SNTG2: variants seen among roughly 807,000 people sequenced by gnomAD.
SNTG2 encodes the protein gamma-2-syntrophin.
Under a neutral mutation model 70.9 loss-of-function variants are expected in SNTG2, and 74 were observed. The observed-to-expected ratio is 1.04, with a 90% CI of 0.86 to 1.27. The LOEUF (loss-of-function observed/expected upper bound fraction) is 1.27. Among genes scored for constraint, SNTG2 ranks in the 50% most tolerant of loss-of-function variants. The probability of loss-of-function intolerance (pLI) is 0.00; values close to 1 mark genes in which losing one functional copy is unlikely to be tolerated. For synonymous variants in SNTG2, 278 were observed against 273.8 expected, an observed-to-expected ratio of 1.02 and a Z score of -0.15; for missense variants, 717 against 690.7, an observed-to-expected ratio of 1.04 and a Z score of -0.43.
intron 16 of SNTG2, among the ~76,000 whole-genome samples, chr2:1,334,987 A>G (rs1287727140): frequency 6.6e-6 from 1 of 152,234 alleles, no homozygotes; most frequent in African/African-American, 2.4e-5. Context: ...AGTACTCAAA[A>G]GACTACAGAA....
chr2:1,338,659 A>G (rs988727555), intron 16 of SNTG2, among the ~76,000 whole-genome samples: 4 of 152,136 alleles, frequency 2.6e-5, no homozygotes, highest in African/African-American at 9.7e-5. Context: ...TTTTGCTTAG[A>G]GCTTAATGTC....
intron 8 of SNTG2, among the ~76,000 whole-genome samples, chr2:1,178,742 A>T (rs1219148064): frequency 3.3e-5 from 5 of 151,822 alleles, no homozygotes; most frequent in Admixed American, 6.6e-5. Flanking sequence ...AATGTTCATC[A>T]AGGATATTGG....
chr2:1,115,694 C>T (rs1362202371), intron 4 of SNTG2, among the ~76,000 whole-genome samples: 2 of 117,246 alleles, frequency 1.7e-5, no homozygotes, highest in African/African-American at 2.8e-5. Flanking sequence ...CATTTACAGT[C>T]CTTTGAGAAG....
intron 9 of SNTG2, among the ~76,000 whole-genome samples, chr2:1,229,886 C>A (rs866501970): frequency 4.6e-5 from 7 of 152,326 alleles, no homozygotes; most frequent in Admixed American, 3.3e-4. Context: ...CCGGCTGCTC[C>A]GAGTGCGGAG....
At chr2:1,093,330 A>G (rs1335690800) in intron 2 of SNTG2, among the ~76,000 whole-genome samples, 1 of 152,158 alleles carries the variant, frequency 6.6e-6, no homozygotes, top group Non-Finnish European at 1.5e-5. Flanking sequence ...CACTATGGAA[A>G]TGCTACCCAG....
intron 9 of SNTG2, among the ~76,000 whole-genome samples, chr2:1,226,996 C>T (rs1156254755): frequency 6.6e-6 from 1 of 152,248 alleles, no homozygotes. Flanking sequence ...CCTTGCTTCC[C>T]TGGACAGAAA....
chr2:1,243,476 C>T (rs1351592546), intron 11 of SNTG2, among the ~76,000 whole-genome samples: 1 of 152,188 alleles, frequency 6.6e-6, no homozygotes, highest in East Asian at 1.9e-4. Context: ...AAAAAGAAGG[C>T]TTGCTGCTGC....
chr2:1,053,572 C>T (rs1420615125), intron 1 of SNTG2, among the ~76,000 whole-genome samples: 1 of 146,466 alleles, frequency 6.8e-6, no homozygotes, highest in African/African-American at 2.5e-5. Flanking sequence ...TATTTCTATG[C>T]CTTTTTATTG....
At chr2:1,330,642 G>A (rs12474377) in intron 16 of SNTG2, among the ~76,000 whole-genome samples, 18,517 of 152,100 alleles carry the variant, frequency 0.12, 1,285 homozygotes, top group Admixed American at 0.2. Flanking sequence ...TCAATTAGTC[G>A]GGTTCCACAA....
chr2:1,262,631 C>A (rs75378994), intron 13 of SNTG2, among the ~76,000 whole-genome samples: 1 of 141,278 alleles, frequency 7.1e-6, no homozygotes, highest in African/African-American at 2.5e-5. Context: ...CGAGGAAACC[C>A]AAAGGCTCAG....
intron 6 of SNTG2, among the ~76,000 whole-genome samples, chr2:1,149,906 T>G (rs1669366520): frequency 6.6e-6 from 1 of 151,672 alleles, no homozygotes; most frequent in Non-Finnish European, 1.5e-5. Flanking sequence ...GCCAGGATGG[T>G]CTCAATCTCC....
intron 1 of SNTG2, among the ~76,000 whole-genome samples, chr2:1,016,635 G>C (rs1370177021): frequency 3.3e-5 from 5 of 152,234 alleles, no homozygotes; most frequent in African/African-American, 1.2e-4. Flanking sequence ...TTTGAAGGAG[G>C]AAGGCTGAGA....
At chr2:1,106,027 G>A (rs1203963844) in intron 4 of SNTG2, among the ~76,000 whole-genome samples, 1 of 150,654 alleles carries the variant, frequency 6.6e-6, no homozygotes, top group Non-Finnish European at 1.5e-5. Context: ...ATGGACACGT[G>A]CTGTCACTCG....
chr2:1,239,407 C>A (rs1676903789), intron 10 of SNTG2, among the ~76,000 whole-genome samples: 1 of 152,224 alleles, frequency 6.6e-6, no homozygotes, highest in African/African-American at 2.4e-5. Flanking sequence ...ATTACCATCA[C>A]AGTAATACTG....
intron 4 of SNTG2, among the ~76,000 whole-genome samples, chr2:1,112,920 C>T (rs984893717): frequency 3.3e-5 from 5 of 151,468 alleles, no homozygotes; most frequent in African/African-American, 1.2e-4. Flanking sequence ...GGAGGAGGAT[C>T]ATGTATACTA....
intron 1 of SNTG2, among the ~76,000 whole-genome samples, chr2:999,335 T>G (rs992885025): frequency 2.0e-5 from 3 of 152,098 alleles, no homozygotes; most frequent in African/African-American, 7.2e-5. Flanking sequence ...ACTTAAATGA[T>G]GCAGATTGGC....
At chr2:1,235,514 G>C (rs1572827049) in intron 9 of SNTG2, among the ~76,000 whole-genome samples, 2 of 34,060 alleles carry the variant, frequency 5.9e-5, no homozygotes, top group Non-Finnish European at 1.0e-4. Context: ...TGAGAGGGGG[G>C]CCCCTGCCCC....
chr2:1,261,964 G>C (rs1678436682), intron 13 of SNTG2, among the ~76,000 whole-genome samples: 1 of 152,140 alleles, frequency 6.6e-6, no homozygotes, highest in Admixed American at 6.5e-5. Context: ...CCGGGAGCCT[G>C]TCGCGAGTGG....
chr2:1,004,127 A>G (rs1659494054), intron 1 of SNTG2, among the ~76,000 whole-genome samples: 1 of 152,202 alleles, frequency 6.6e-6, no homozygotes, highest in Non-Finnish European at 1.5e-5. Flanking sequence ...TCTATAAAAG[A>G]AGTTATACCA....
Sources: gnomAD v4.1 joint callset for allele counts (sites outside exome capture counted in the v4.1 genomes callset) on GRCh38, gnomAD v4.1.1 for gene constraint, MANE v1.5 for transcripts, NCBI Gene and HGNC (gene_info 2026-07-23, HGNC 2026-07-21) for gene names.